Variants in FMN1 observed in about 807,000 individuals in gnomAD.
FMN1 encodes formin 1, also known as formin-1.
FMN1 carries 110 observed loss-of-function variants against 132.4 expected under a neutral mutation model. The observed-to-expected ratio is 0.83, with a 90% confidence interval of 0.71 to 0.97. The LOEUF (loss-of-function observed/expected upper bound fraction) is 0.97, where lower values mean the gene tolerates loss of function less well. Ranked by LOEUF, FMN1 falls within the 50% of genes least tolerant of loss-of-function variation. FMN1 has a pLI of 0.00. For synonymous variants in FMN1, 722 were observed against 651.7 expected (o/e 1.11, Z -1.64); for missense variants, 1,792 against 1,705.3 (o/e 1.05, Z -0.90).
intron 7 of FMN1, among the ~76,000 whole-genome samples, chr15:32,994,212 CCT>C (rs771176022): frequency 1.6e-4 from 23 of 146,420 alleles, no homozygotes; most frequent in Admixed American, 2.7e-4. Flanking sequence ...AGAACTCATT[CCT>C]CTCTCTCTCT....
At chr15:33,032,068 T>C (rs1372440271) in intron 6 of FMN1, among the ~76,000 whole-genome samples, 5 of 152,222 alleles carry the variant, frequency 3.3e-5, no homozygotes, top group Admixed American at 2.6e-4. Flanking sequence ...ACAGTTATCG[T>C]ATGTGTTCTA....
chr15:33,168,214 C>G (rs1423771598), intron 3 of FMN1, among the ~76,000 whole-genome samples: 3 of 152,086 alleles, frequency 2.0e-5, no homozygotes, highest in African/African-American at 7.2e-5. Context: ...GTAAAAGTGA[C>G]AAAATACTGC....
intron 17 of FMN1, among the ~76,000 whole-genome samples, chr15:32,821,555 C>T (rs1485914616): frequency 1.4e-5 from 2 of 147,900 alleles, no homozygotes; most frequent in Non-Finnish European, 3.0e-5. Flanking sequence ...CGGGTTCAAG[C>T]AATTCTCTGC....
At chr15:33,117,110 TAC>T (rs2039957864) in intron 4 of FMN1, among the ~76,000 whole-genome samples, 1 of 152,036 alleles carries the variant, frequency 6.6e-6, no homozygotes, top group Non-Finnish European at 1.5e-5. Flanking sequence ...GTAAATCACT[TAC>T]ATAGTGAGAG....
At chr15:32,928,621 A>T (rs2061023601) in intron 9 of FMN1, among the ~76,000 whole-genome samples, 1 of 152,202 alleles carries the variant, frequency 6.6e-6, no homozygotes, top group South Asian at 2.1e-4. Context: ...CTGGAGTGCA[A>T]ATTCAAAAAG....
chr15:32,830,339 CTCT>C (rs2058470009), intron 17 of FMN1, among the ~76,000 whole-genome samples: 1 of 152,204 alleles, frequency 6.6e-6, no homozygotes, highest in Admixed American at 6.5e-5. Flanking sequence ...TCATTGTCTT[CTCT>C]TCTTCATTAG....
chr15:33,016,676 A>G (rs532398775), intron 6 of FMN1, among the ~76,000 whole-genome samples: 27 of 152,322 alleles, frequency 1.8e-4, no homozygotes, highest in African/African-American at 6.5e-4. Flanking sequence ...CGGGCCTTCA[A>G]CCAGCACACA....
chr15:32,926,393 T>TTA, intron 9 of FMN1, 132 bp from the exon 10 acceptor site: 1 of 483,342 alleles, frequency 2.1e-6, no homozygotes, highest in Non-Finnish European at 3.7e-6. Context: ...ATGCACTCTT[T>TTA]AAATAATACT....
At chr15:32,926,922 T>C (rs1183519296) in intron 9 of FMN1, among the ~76,000 whole-genome samples, 1 of 152,130 alleles carries the variant, frequency 6.6e-6, no homozygotes, top group Non-Finnish European at 1.5e-5. Flanking sequence ...GTAGCTGGGA[T>C]CACAGGCAGG....
chr15:32,814,578 G>A (rs139525753), intron 17 of FMN1, among the ~76,000 whole-genome samples: 1 of 152,298 alleles, frequency 6.6e-6, no homozygotes, highest in African/African-American at 2.4e-5. Context: ...CTTGCATTTT[G>A]TTTCATCAAG....
chr15:33,044,151 T>C (rs927819600), intron 6 of FMN1, among the ~76,000 whole-genome samples: 2 of 152,214 alleles, frequency 1.3e-5, no homozygotes, highest in East Asian at 1.9e-4. Context: ...CCTCAAGACT[T>C]TGGGCACCAA....
rs779344478 is a variant in FMN1, at chr15:32,964,155, C to A, written c.3090G>T (p.Lys1030Asn). 28 of 1,612,220 alleles carry A rather than the reference C, an allele frequency of 1.7e-5. No homozygotes were observed. The highest frequency in any genetic ancestry group is 2.3e-5 in the Non-Finnish European group (27 of 1,179,132). ...CATAAGTCTCTGACAGAGGTTTTTT[C>A]TTCTGTTGAGTTGTGTCTTTGGAGA... ...YLFSKDTTQQKKKPLSETYEK... is the reference protein window; with the variant it reads ...YLFSKDTTQQNKKPLSETYEK... The change falls in exon 9 of 21, where the codon AAG (lysine) becomes AAT (asparagine). Residue 1030 changes from lysine to asparagine, a missense_variant. Coordinates refer to ENST00000616417, the MANE Select transcript of FMN1 (RefSeq NM_001277313.2).
At chr15:32,931,910 T>G (rs1350184446) in intron 9 of FMN1, among the ~76,000 whole-genome samples, 1 of 152,202 alleles carries the variant, frequency 6.6e-6, no homozygotes, top group East Asian at 1.9e-4. Context: ...CTATTCCCAG[T>G]TTGATGAGTT....
At chr15:32,875,246 C>T (rs1032627628) in intron 16 of FMN1, among the ~76,000 whole-genome samples, 1 of 152,192 alleles carries the variant, frequency 6.6e-6, no homozygotes, top group South Asian at 2.1e-4. Flanking sequence ...GTCACACAGA[C>T]AGTAAGTAGC....
intron 6 of FMN1, among the ~76,000 whole-genome samples, chr15:33,026,410 T>TCACACACACACACA (rs71113496): frequency 0.029 from 4,124 of 140,138 alleles, 91 homozygotes; most frequent in Middle Eastern, 0.047. Flanking sequence ...GTCCAAATTT[T>TCACACACACACACA]CACACACACA....
At chr15:33,128,799 T>C (rs559409706) in intron 4 of FMN1, among the ~76,000 whole-genome samples, 41 of 152,328 alleles carry the variant, frequency 2.7e-4, no homozygotes, top group Admixed American at 9.8e-4. Flanking sequence ...AGCAGCAAGA[T>C]TTACTGTCAC....
chr15:32,949,275 C>T (rs1243551430), intron 9 of FMN1, among the ~76,000 whole-genome samples: 1 of 152,074 alleles, frequency 6.6e-6, no homozygotes, highest in Non-Finnish European at 1.5e-5. Context: ...AGGCATCACA[C>T]TACCTGACTT....
chr15:32,969,102 C>T lies in FMN1; in HGVS notation c.2599G>A (p.Ala867Thr), dbSNP rs1400482820. The T allele has an allele frequency of 6.2e-7, 1 of 1,611,564 alleles. No individual in the cohort carries two copies. Among genetic ancestry groups the T allele is most frequent in the African/African-American group, 1.3e-5 (1 of 74,788 alleles). Residue 867 changes from alanine (A) to threonine (T), a missense_variant, in exon 8 of 21, where the codon GCA becomes ACA. By Grantham distance (58) the Ala-to-Thr change is moderately conservative. Coordinates refer to ENST00000616417, the MANE Select transcript of FMN1 (RefSeq NM_001277313.2). ...MEGMASNQQKALPPPPASIPP... is the reference protein window; with the variant it reads ...MEGMASNQQKTLPPPPASIPP... ...ATGGATGCGGGAGGCGGAGGCAATG[C>T]CTTCTGCTGATTTGATGCCATGCCC...
chr15:33,017,839 C>T (rs997348902), intron 6 of FMN1, among the ~76,000 whole-genome samples: 10 of 152,126 alleles, frequency 6.6e-5, no homozygotes, highest in Non-Finnish European at 1.3e-4. Flanking sequence ...CTGAGGCGGA[C>T]GGATTTCCTG....
Sources: allele counts gnomAD v4.1 joint callset (sites outside exome capture counted in the v4.1 genomes callset), GRCh38; gene constraint gnomAD v4.1.1; transcripts MANE v1.5; gene names NCBI Gene and HGNC (gene_info 2026-07-23, HGNC 2026-07-21).